The following WDR70 variants were observed in gnomAD, a reference collection of about 807,000 sequenced individuals.
WDR70 encodes WD repeat-containing protein 70.
A neutral mutation model predicts 88.6 loss-of-function variants in WDR70; 53 were observed. The ratio of observed to expected loss-of-function variants is 0.60; its 90% confidence interval spans 0.48 to 0.75. The LOEUF (loss-of-function observed/expected upper bound fraction) is 0.75, where lower values mean the gene tolerates loss of function less well. Among genes scored for constraint, WDR70 ranks in the 30% least tolerant of loss-of-function variants. WDR70 has a pLI of 0.00. For missense variants in WDR70, 610 were observed against 823.2 expected (o/e 0.74, Z 3.17); for synonymous variants, 280 against 270.0 (o/e 1.04, Z -0.36).
intron 9 of WDR70, among the ~76,000 whole-genome samples, chr5:37,604,491 G>A (rs1301244803): frequency 6.6e-6 from 1 of 152,202 alleles, no homozygotes; most frequent in East Asian, 1.9e-4. Flanking sequence ...GAGTACAAGG[G>A]TGTTACACCT....
At chr5:37,747,657 C>G (rs1443258655) in intron 17 of WDR70, among the ~76,000 whole-genome samples, 1 of 151,752 alleles carries the variant, frequency 6.6e-6, no homozygotes, top group Non-Finnish European at 1.5e-5. Context: ...CTGGGGCAAT[C>G]AGGCAAGAGG....
intron 10 of WDR70, among the ~76,000 whole-genome samples, chr5:37,685,829 TC>T (rs973100107): frequency 1.4e-4 from 21 of 152,110 alleles, no homozygotes; most frequent in Non-Finnish European, 1.2e-4. Flanking sequence ...CTATTTCACT[TC>T]ACCTGCTCCC....
chr5:37,411,179 T>A (rs1165773198), intron 5 of WDR70, among the ~76,000 whole-genome samples: 2 of 152,180 alleles, frequency 1.3e-5, no homozygotes, highest in Non-Finnish European at 2.9e-5. Flanking sequence ...CAGGTTGGTC[T>A]CAAAACTCCT....
chr5:37,524,530 C>A (rs1741198785), intron 9 of WDR70, among the ~76,000 whole-genome samples: 1 of 152,148 alleles, frequency 6.6e-6, no homozygotes, highest in South Asian at 2.1e-4. Context: ...AAAAAAAATG[C>A]CAAATTGTAA....
chr5:37,604,893 C>T (rs976136801), intron 9 of WDR70, among the ~76,000 whole-genome samples, 171 bp from the exon 10 acceptor site: 4 of 152,110 alleles, frequency 2.6e-5, no homozygotes, highest in Non-Finnish European at 4.4e-5. Flanking sequence ...TGAGTAACCT[C>T]ATTTATAAAT....
At chr5:37,576,014 T>G (rs988438084) in intron 9 of WDR70, among the ~76,000 whole-genome samples, 9 of 152,014 alleles carry the variant, frequency 5.9e-5, no homozygotes, top group South Asian at 2.1e-4. Flanking sequence ...GTATTACGAG[T>G]ATAAAAAGCA....
chr5:37,486,271 A>T (rs1739865510), intron 8 of WDR70, among the ~76,000 whole-genome samples: 1 of 152,160 alleles, frequency 6.6e-6, no homozygotes, highest in South Asian at 2.1e-4. Context: ...CCTCATAAGG[A>T]TCACAATCTC....
intron 17 of WDR70, among the ~76,000 whole-genome samples, chr5:37,735,276 A>G (rs1748269241): frequency 6.6e-6 from 1 of 152,168 alleles, no homozygotes; most frequent in Non-Finnish European, 1.5e-5. Context: ...CAAAATATCT[A>G]AAGATATTTT....
intron 3 of WDR70, among the ~76,000 whole-genome samples, chr5:37,386,031 T>G (rs1748604526): frequency 6.6e-6 from 1 of 151,094 alleles, no homozygotes; most frequent in African/African-American, 2.4e-5. Flanking sequence ...GCCAGGATGG[T>G]CTCGATCTCC....
rs190516415 is a variant in WDR70, at chr5:37,525,363, C to A, written c.917+8773C>A. On this transcript the variant is annotated intron_variant, in intron 9 of 17. Transcript: ENST00000265107. ...CTCAACTACCTGGAAACTGAACAAC[C>A]TGCTCCTGAATGACTTCTGGGTACA... Among the ~76,000 whole-genome samples the A allele has an allele frequency of 1.8e-3, 268 of 152,310 alleles. 2 individuals are homozygous for A. Among genetic ancestry groups the A allele is most frequent in the African/African-American group, 6.1e-3 (252 of 41,562 alleles).
At chr5:37,634,903 C>T in intron 10 of WDR70, among the ~76,000 whole-genome samples, 1 of 152,150 alleles carries the variant, frequency 6.6e-6, no homozygotes, top group African/African-American at 2.4e-5. Flanking sequence ...TTCTCAGGTC[C>T]ATAACCAACT....
chr5:37,657,681 A>G (rs145719388), intron 10 of WDR70, among the ~76,000 whole-genome samples: 1 of 152,192 alleles, frequency 6.6e-6, no homozygotes, highest in Non-Finnish European at 1.5e-5. Context: ...TTGGAGTTCA[A>G]ATCCCTTAGT....
chr5:37,426,107 C>A (rs1012396287), intron 5 of WDR70, among the ~76,000 whole-genome samples: 8 of 151,894 alleles, frequency 5.3e-5, no homozygotes, highest in Non-Finnish European at 8.8e-5. Context: ...AGGACAGAAC[C>A]CCGAGGGACA....
chr5:37,730,712 G>A (rs1270480684), intron 17 of WDR70, among the ~76,000 whole-genome samples: 1 of 152,000 alleles, frequency 6.6e-6, no homozygotes, highest in Non-Finnish European at 1.5e-5. Context: ...TTTTTTTCTT[G>A]ATGTCTTTAT....
chr5:37,454,598 T>C (rs1738777430), intron 7 of WDR70, among the ~76,000 whole-genome samples: 1 of 152,232 alleles, frequency 6.6e-6, no homozygotes, highest in Non-Finnish European at 1.5e-5. Flanking sequence ...GAAATCAGAA[T>C]GGATGAGTCA....
intron 5 of WDR70, among the ~76,000 whole-genome samples, chr5:37,427,164 C>G (rs900024364): frequency 6.6e-6 from 1 of 151,862 alleles, no homozygotes; most frequent in East Asian, 1.9e-4. Flanking sequence ...CTGAGGCGGG[C>G]GGATCACGAG....
At chr5:37,673,590 C>CG (rs1554010681) in intron 10 of WDR70, among the ~76,000 whole-genome samples, 1 of 112,498 alleles carries the variant, frequency 8.9e-6, no homozygotes, top group Non-Finnish European at 1.8e-5. Context: ...CTTACCCCCC[C>CG]CCCACCCTTT....
chr5:37,725,692 A>G (rs1747950712), intron 16 of WDR70, among the ~76,000 whole-genome samples: 1 of 151,944 alleles, frequency 6.6e-6, no homozygotes, highest in African/African-American at 2.4e-5. Context: ...TTTTTCTAAC[A>G]CCGTCCTAAC....
chr5:37,684,873 G>C (rs1014792207), intron 10 of WDR70, among the ~76,000 whole-genome samples: 1 of 152,254 alleles, frequency 6.6e-6, no homozygotes, highest in Non-Finnish European at 1.5e-5. Context: ...GTACTGGGGT[G>C]CCTGCCTCTG....
Sources: gnomAD v4.1 joint callset for allele counts (sites outside exome capture counted in the v4.1 genomes callset) on GRCh38, gnomAD v4.1.1 for gene constraint, MANE v1.5 for transcripts, NCBI Gene and HGNC (gene_info 2026-07-23, HGNC 2026-07-21) for gene names.